The following EVI5 variants were observed in gnomAD, a reference collection of about 807,000 sequenced individuals.
EVI5 encodes the protein ecotropic viral integration site 5 protein homolog.
EVI5 carries 73 observed loss-of-function variants against 112.0 expected under a neutral mutation model. The ratio of observed to expected loss-of-function variants is 0.65; its 90% CI spans 0.54 to 0.79. The LOEUF (loss-of-function observed/expected upper bound fraction) is 0.79. EVI5 is among the 30% of genes least tolerant of loss of function. The probability of loss-of-function intolerance (pLI) is 0.00; values close to 1 mark genes in which losing one functional copy is unlikely to be tolerated. For synonymous variants in EVI5, 305 were observed against 319.9 expected, an observed-to-expected ratio of 0.95 and a Z score of 0.50; for missense variants, 900 against 968.8, an observed-to-expected ratio of 0.93 and a Z score of 0.94.
At chr1:92,611,474 G>A (rs954777148) in intron 16 of EVI5, among the ~76,000 whole-genome samples, 3 of 151,376 alleles carry the variant, frequency 2.0e-5, no homozygotes, top group Non-Finnish European at 4.4e-5. Flanking sequence ...CAAGGCAGGC[G>A]GATCACAAGG....
At chr1:92,680,888 T>C (rs1035845858) in intron 9 of EVI5, among the ~76,000 whole-genome samples, 1 of 152,016 alleles carries the variant, frequency 6.6e-6, no homozygotes, top group African/African-American at 2.4e-5. Flanking sequence ...TTTAAATATA[T>C]CAGAAACACA....
At chr1:92,776,726 C>G (rs1057053961) in intron 1 of EVI5, among the ~76,000 whole-genome samples, 40 of 151,438 alleles carry the variant, frequency 2.6e-4, no homozygotes, top group African/African-American at 9.5e-4. Context: ...GCCTCTGCCT[C>G]TCATGTTCAA....
rs1651228526 is a variant in EVI5, at chr1:92,609,443, C to T, written c.1828-1716G>A. The stretch of plus-strand genomic sequence containing the variant: ...CACGACCTTGGCTCACTGCAACCTC[C>T]ACCTCCTGGGTTCAAGTGATTCTCC... On this transcript the variant is annotated intron_variant, in intron 16 of 19. Coordinates refer to ENST00000684568, the MANE Select transcript of EVI5 (RefSeq NM_001350197.2). Among the ~76,000 whole-genome samples the T allele has an allele frequency of 2.6e-5, 4 of 152,172 alleles. No homozygotes were observed. The South Asian group carries it at 8.3e-4, about 32-fold the overall frequency.
intron 1 of EVI5, among the ~76,000 whole-genome samples, chr1:92,766,842 G>A (rs749179309): frequency 6.6e-6 from 1 of 152,142 alleles, no homozygotes; most frequent in African/African-American, 2.4e-5. Context: ...AGCACTTTGG[G>A]AGGCCAAAGC....
At chr1:92,655,585 T>C (rs1662860184) in intron 13 of EVI5, among the ~76,000 whole-genome samples, 1 of 152,076 alleles carries the variant, frequency 6.6e-6, no homozygotes, top group Non-Finnish European at 1.5e-5. Flanking sequence ...ATATGCTGCT[T>C]ACAAGAAACC....
intron 18 of EVI5, among the ~76,000 whole-genome samples, chr1:92,582,070 T>A (rs769028964): frequency 5.3e-5 from 8 of 152,244 alleles, no homozygotes; most frequent in Non-Finnish European, 1.2e-4. Flanking sequence ...TTACACAAAC[T>A]TAAATGGTAG....
chr1:92,515,882 T>C (rs1172257445), intron 19 of EVI5, among the ~76,000 whole-genome samples: 1 of 152,144 alleles, frequency 6.6e-6, no homozygotes, highest in East Asian at 1.9e-4. Flanking sequence ...CTCAGAACAA[T>C]GATGTCTGGC....
intron 1 of EVI5, among the ~76,000 whole-genome samples, chr1:92,760,732 CAAAAA>C (rs77787837): frequency 2.0e-5 from 1 of 50,750 alleles, no homozygotes; most frequent in African/African-American, 7.2e-5. Flanking sequence ...GACTCTGTCT[CAAAAA>C]AAAAAAAAAA....
chr1:92,771,389 T>A (rs1683386786), intron 1 of EVI5, among the ~76,000 whole-genome samples: 1 of 151,828 alleles, frequency 6.6e-6, no homozygotes. Context: ...ATGGAACTCA[T>A]CACTCCTTCC....
chr1:92,648,932 T>A (rs1022388500), intron 13 of EVI5, among the ~76,000 whole-genome samples: 2 of 152,230 alleles, frequency 1.3e-5, no homozygotes, highest in African/African-American at 4.8e-5. Context: ...GCTTAACTTT[T>A]TGAGGAACTG....
rs570522917 is a variant in EVI5 at position 92,713,401 on chromosome 1, T to C, written c.150-8657A>G. On this transcript the variant is annotated intron_variant, in intron 2 of 19. Coordinates refer to ENST00000684568, the MANE Select transcript of EVI5 (RefSeq NM_001350197.2). ...ACTAGATCTAGATTTTGGTAGGATA[T>C]AAAGATACATAAATTAAGTTTTCAA... 2.4e-4 allele frequency among the ~76,000 whole-genome samples: 36 copies of C among 151,732 alleles called. 1 individual carries two copies. The highest frequency in any genetic ancestry group is 8.7e-4 in the African/African-American group (36 of 41,314).
intron 2 of EVI5, among the ~76,000 whole-genome samples, chr1:92,724,753 A>T (rs989364040): frequency 6.6e-6 from 1 of 152,124 alleles, no homozygotes; most frequent in African/African-American, 2.4e-5. Context: ...GGATGCAGTG[A>T]GCTGTGATGG....
chr1:92,519,757 G>A (rs1465303232), intron 19 of EVI5, among the ~76,000 whole-genome samples: 1 of 151,946 alleles, frequency 6.6e-6, no homozygotes, highest in Non-Finnish European at 1.5e-5. Context: ...TTAGTTGGGT[G>A]TGGTGGTGCA....
intron 15 of EVI5, 100 bp from the exon 16 acceptor site, chr1:92,624,434 T>C: frequency 1.2e-6 from 1 of 849,634 alleles, no homozygotes; most frequent in Non-Finnish European, 1.9e-6. Flanking sequence ...TATAAAACAC[T>C]TTCCACACAT....
intron 16 of EVI5, chr1:92,622,314 T>G (rs1283629236): frequency 2.2e-6 from 1 of 450,608 alleles, no homozygotes; most frequent in Admixed American, 2.4e-5. Flanking sequence ...AAAATATTAT[T>G]TTAAGAAGGG....
chr1:92,510,033 C>T lies in EVI5; in HGVS notation c.*3623G>A, dbSNP rs1285502232. The T allele has an allele frequency of 6.6e-6, 1 of 152,098 alleles. No individual in the cohort carries two copies. Among genetic ancestry groups the T allele is most frequent in the Non-Finnish European group, 1.5e-5 (1 of 68,020 alleles). 9.4% of individuals were successfully genotyped at this position (152,098 alleles called of 1,614,324 possible). On this transcript the variant is annotated 3_prime_UTR_variant, in exon 20 of 20. Coordinates refer to ENST00000684568, the MANE Select transcript of EVI5 (RefSeq NM_001350197.2). ...ACCAAGGCATAATATCCTATTGCATCCTAAAGGCCTGGGAGATTTTAAACT... is the reference window on the plus strand; with the variant it reads ...ACCAAGGCATAATATCCTATTGCATTCTAAAGGCCTGGGAGATTTTAAACT...
chr1:92,624,970 G>A (rs1655365076), intron 15 of EVI5, among the ~76,000 whole-genome samples: 1 of 152,172 alleles, frequency 6.6e-6, no homozygotes, highest in South Asian at 2.1e-4. Flanking sequence ...CACAGCCAGT[G>A]CAGATCTGGG....
At chr1:92,754,103 A>G (rs1476017259) in intron 1 of EVI5, among the ~76,000 whole-genome samples, 1 of 152,220 alleles carries the variant, frequency 6.6e-6, no homozygotes, top group Non-Finnish European at 1.5e-5. Flanking sequence ...AGTAGCTGAG[A>G]GGCTTACTTT....
At chr1:92,694,498 G>A in intron 7 of EVI5, 110 bp from the exon 8 acceptor site, 2 of 637,082 alleles carry the variant, frequency 3.1e-6, no homozygotes, top group Non-Finnish European at 5.5e-6. Flanking sequence ...ACTAGGGGCT[G>A]GCAAACATTT....
Sources: allele counts gnomAD v4.1 joint callset (sites outside exome capture counted in the v4.1 genomes callset), GRCh38; gene constraint gnomAD v4.1.1; transcripts MANE v1.5; gene names NCBI Gene and HGNC (gene_info 2026-07-23, HGNC 2026-07-21).